Variants in TET3 observed in about 807,000 individuals in gnomAD.
TET3 encodes tet methylcytosine dioxygenase 3.
A neutral mutation model predicts 141.4 loss-of-function variants in TET3; 19 were observed. The observed-to-expected ratio is 0.13, with a 90% CI of 0.09 to 0.20. The LOEUF is 0.20. TET3 is among the 10% of genes least tolerant of loss of function. The pLI is 1.00. For synonymous variants in TET3, 1,043 were observed against 980.9 expected, an observed-to-expected ratio of 1.06 and a Z score of -1.18; for missense variants, 1,874 against 2,356.9, an observed-to-expected ratio of 0.80 and a Z score of 4.24.
chr2:74,022,222 G>A (rs1686087640), intron 3 of TET3, among the ~76,000 whole-genome samples: 2 of 148,944 alleles, frequency 1.3e-5, no homozygotes, highest in African/African-American at 2.5e-5. Flanking sequence ...AGTGCAAAAT[G>A]TTTGATTTGC....
chr2:74,122,511 A>ATTTTTTTTTTT, the TET3 span: 45 of 47,538 alleles, frequency 9.5e-4, 1 homozygote, highest in Non-Finnish European at 1.5e-3. Context: ...ATATATATAT[A>ATTTTTTTTTTT]TTTTTTTTTT....
At chr2:74,113,071 G>A (rs1157796914), downstream of TET3, among the ~76,000 whole-genome samples, 1 of 137,542 alleles carries the variant, frequency 7.3e-6, no homozygotes, top group Non-Finnish European at 1.5e-5. Flanking sequence ...GAGAAAAGCT[G>A]AAAGCTTTTC....
chr2:74,081,608 G>A (rs1689827013), intron 6 of TET3, among the ~76,000 whole-genome samples: 1 of 152,194 alleles, frequency 6.6e-6, no homozygotes, highest in Middle Eastern at 3.2e-3. Flanking sequence ...GTGGGCAAAG[G>A]CAGAGAGGCT....
intron 3 of TET3, among the ~76,000 whole-genome samples, chr2:74,023,342 A>G (rs1302835660): frequency 1.3e-5 from 2 of 152,154 alleles, no homozygotes; most frequent in Admixed American, 6.5e-5. Flanking sequence ...TCCTGGGCAC[A>G]ATCACTCCTC....
At chr2:74,126,651 G>T in the TET3 span, among the ~76,000 whole-genome samples, 1 of 151,774 alleles carries the variant, frequency 6.6e-6, no homozygotes, top group African/African-American at 2.4e-5. Context: ...ACAGGCACCC[G>T]CCACCACTCC....
chr2:73,998,146 T>G (rs1237960111), intron 2 of TET3, among the ~76,000 whole-genome samples: 1 of 152,152 alleles, frequency 6.6e-6, no homozygotes, highest in Non-Finnish European at 1.5e-5. Flanking sequence ...TCAGACGCTT[T>G]GTGTTAATTC....
In TET3 at chr2:74,077,234, AG is replaced by A. The variant is rs1689561240; in HGVS notation, c.2586-3263del. Among the ~76,000 whole-genome samples, 5 of 152,226 alleles carry A rather than the reference AG, an allele frequency of 3.3e-5. No homozygotes were observed. The South Asian group carries it at 1.0e-3, about 32-fold the overall frequency. On this transcript the variant is annotated intron_variant, in intron 5 of 11. Coordinates refer to ENST00000409262, the MANE Select transcript of TET3 (RefSeq NM_001287491.2). ...CTCAGAGCAGTGGTTGTCAGACTTCAGTGGGCCTCAGAGTCTCTAGAGGGTT... is the reference window on the plus strand; with the variant it reads ...CTCAGAGCAGTGGTTGTCAGACTTCATGGGCCTCAGAGTCTCTAGAGGGTT...
At chr2:74,128,992 T>TAAAAAAAAAAA in the TET3 span, among the ~76,000 whole-genome samples, 1 of 77,934 alleles carries the variant, frequency 1.3e-5, no homozygotes, top group African/African-American at 5.9e-5. Flanking sequence ...TGTCTCAATT[T>TAAAAAAAAAAA]AAAAAAAAAA....
intron 3 of TET3, among the ~76,000 whole-genome samples, chr2:74,029,904 C>T (rs1261607882): frequency 6.6e-6 from 1 of 152,188 alleles, no homozygotes; most frequent in Non-Finnish European, 1.5e-5. Context: ...GTTTTCATTG[C>T]TTTCATCACA....
At chr2:74,060,966 T>C (rs1688483731) in intron 4 of TET3, among the ~76,000 whole-genome samples, 1 of 151,838 alleles carries the variant, frequency 6.6e-6, no homozygotes, top group Non-Finnish European at 1.5e-5. Context: ...TCCCCACCTT[T>C]CCCCCCTTTC....
Position 74,099,605 on chromosome 2 carries a change from G to C in TET3, c.3597G>C (p.Ser1199=). ...CCCTGGAGCTGGCGGGCATTACGTC[G>C]GACCCAGGTGTGTGGGGGGAGGGTG... is the stretch of plus-strand genomic sequence containing the variant. ...QEALELAGIT[S]DPGLSLKGGL... Residue 1199 remains serine (S), a synonymous_variant, in exon 11 of 12, where the codon TCG becomes TCC. Transcript: ENST00000409262. 2 of 1,568,264 alleles carry C rather than the reference G, an allele frequency of 1.3e-6. No individual in the cohort carries two copies. The highest frequency in any genetic ancestry group is 1.7e-6 in the Non-Finnish European group (2 of 1,154,140).
At chr2:74,111,700 G>GTTTTT (rs1334510291), downstream of TET3, among the ~76,000 whole-genome samples, 1 of 152,248 alleles carries the variant, frequency 6.6e-6, no homozygotes, top group African/African-American at 2.4e-5. Context: ...TGGTCTAAAT[G>GTTTTT]TGAGACCCTT....
At chr2:74,123,189 CA>C in the TET3 span, 1 of 152,208 alleles carries the variant, frequency 6.6e-6, no homozygotes, top group South Asian at 2.1e-4. Context: ...CCTACTTTGT[CA>C]ACATTGATTT....
chr2:74,091,356 G>C (rs1430791630), intron 8 of TET3, among the ~76,000 whole-genome samples: 1 of 152,212 alleles, frequency 6.6e-6, no homozygotes, highest in African/African-American at 2.4e-5. Context: ...GATGTGCTAA[G>C]CACTTTGCCA....
the TET3 span, among the ~76,000 whole-genome samples, chr2:74,115,199 C>T: frequency 2.0e-5 from 3 of 152,078 alleles, no homozygotes; most frequent in Non-Finnish European, 4.4e-5. Flanking sequence ...GATTTGCAAA[C>T]AACTCATTCA....
chr2:74,076,137 G>A (rs947863610), intron 5 of TET3, among the ~76,000 whole-genome samples: 5 of 151,904 alleles, frequency 3.3e-5, no homozygotes, highest in Non-Finnish European at 5.9e-5. Flanking sequence ...TTGAAATTTG[G>A]TAAGATAAGG....
chr2:74,090,887 C>A (rs1327269365), intron 8 of TET3, among the ~76,000 whole-genome samples: 1 of 152,208 alleles, frequency 6.6e-6, no homozygotes, highest in East Asian at 1.9e-4. Context: ...TGCTGGCTTC[C>A]TTTGCTAGGA....
chr2:74,085,501 C>T (rs1171025193), intron 6 of TET3, among the ~76,000 whole-genome samples: 2 of 152,218 alleles, frequency 1.3e-5, no homozygotes, highest in African/African-American at 2.4e-5. Flanking sequence ...TGGGGGGTAT[C>T]CTTAGAGACC....
intron 4 of TET3, among the ~76,000 whole-genome samples, chr2:74,071,548 C>T (rs1431320616): frequency 6.6e-6 from 1 of 152,184 alleles, no homozygotes; most frequent in Admixed American, 6.5e-5. Flanking sequence ...TATACTTTCT[C>T]TTGCTTGTAA....
Sources: gnomAD v4.1 joint callset for allele counts (sites outside exome capture counted in the v4.1 genomes callset) on GRCh38, gnomAD v4.1.1 for gene constraint, MANE v1.5 for transcripts, NCBI Gene and HGNC (gene_info 2026-07-23, HGNC 2026-07-21) for gene names.